Variants in HS3ST4 observed in about 807,000 individuals in gnomAD.
The protein encoded by HS3ST4 is heparan sulfate glucosamine 3-O-sulfotransferase 4.
In HS3ST4, 17 loss-of-function variants were observed where a neutral mutation model predicts 29.2. That is an observed-to-expected ratio of 0.58 (90% confidence interval 0.40 to 0.87). The LOEUF (loss-of-function observed/expected upper bound fraction) is 0.87. Among genes scored for constraint, HS3ST4 ranks in the 40% least tolerant of loss-of-function variants. The pLI is 0.00. For synonymous variants in HS3ST4, 314 were observed against 285.7 expected, an observed-to-expected ratio of 1.10 and a Z score of -1.00; for missense variants, 627 against 634.5, an observed-to-expected ratio of 0.99 and a Z score of 0.13.
At chr16:25,936,572 G>T (rs548676251) in intron 1 of HS3ST4, among the ~76,000 whole-genome samples, 1 of 152,160 alleles carries the variant, frequency 6.6e-6, no homozygotes, top group South Asian at 2.1e-4. Flanking sequence ...TGAATTTAGC[G>T]AGTAATTAAT....
At chr16:26,044,233 A>T (rs1284086845) in intron 1 of HS3ST4, among the ~76,000 whole-genome samples, 1 of 152,180 alleles carries the variant, frequency 6.6e-6, no homozygotes, top group Non-Finnish European at 1.5e-5. Flanking sequence ...CAAATCTTTC[A>T]TCAGAGCTGT....
intron 1 of HS3ST4, among the ~76,000 whole-genome samples, chr16:25,867,154 G>A (rs1230815388): frequency 1.3e-5 from 2 of 152,190 alleles, no homozygotes; most frequent in East Asian, 1.9e-4. Context: ...CGTCTATTGA[G>A]TTTAAAGACC....
chr16:26,032,133 C>A (rs1969536869), intron 1 of HS3ST4, among the ~76,000 whole-genome samples: 1 of 152,266 alleles, frequency 6.6e-6, no homozygotes, highest in Admixed American at 6.5e-5. Context: ...GGGGTCAGGT[C>A]CCAACAGATG....
At chr16:25,760,542 C>T (rs1453842509) in intron 1 of HS3ST4, among the ~76,000 whole-genome samples, 2 of 151,834 alleles carry the variant, frequency 1.3e-5, no homozygotes, top group African/African-American at 2.4e-5. Flanking sequence ...CCTCAGTCTC[C>T]CAAGTAGCTA....
chr16:26,098,397 T>C (rs1176386698), intron 1 of HS3ST4, among the ~76,000 whole-genome samples: 6 of 152,166 alleles, frequency 3.9e-5, no homozygotes, highest in Non-Finnish European at 8.8e-5. Context: ...TGGAATACTA[T>C]GCAGCCGTAA....
intron 1 of HS3ST4, among the ~76,000 whole-genome samples, chr16:26,000,541 G>A (rs370623324): frequency 1.2e-4 from 18 of 152,248 alleles, no homozygotes; most frequent in African/African-American, 3.1e-4. Context: ...AATGATATCC[G>A]TGGAACCAGA....
chr16:25,787,723 CTTGGACTCTCGATTT>C (rs1966859708), intron 1 of HS3ST4, among the ~76,000 whole-genome samples: 2 of 152,140 alleles, frequency 1.3e-5, no homozygotes, highest in African/African-American at 4.8e-5. Context: ...TCAGGGGCTC[CTTGGACTCTCGATTT>C]TATGTGACAA....
chr16:26,019,317 C>G (rs111924013), intron 1 of HS3ST4, among the ~76,000 whole-genome samples: 299 of 152,286 alleles, frequency 2.0e-3, no homozygotes, highest in African/African-American at 6.9e-3. Flanking sequence ...ATTCTGGTCT[C>G]TAAGTTCATT....
intron 1 of HS3ST4, among the ~76,000 whole-genome samples, chr16:25,917,788 G>C (rs1208979437): frequency 6.6e-6 from 1 of 152,238 alleles, no homozygotes; most frequent in Non-Finnish European, 1.5e-5. Flanking sequence ...GGAGAAGACA[G>C]ACTTTCTGTA....
intron 1 of HS3ST4, among the ~76,000 whole-genome samples, chr16:25,926,572 AT>A (rs1230379649): frequency 7.2e-5 from 11 of 152,306 alleles, no homozygotes; most frequent in Middle Eastern, 3.4e-3. Flanking sequence ...AGCATTTACT[AT>A]GTGCCAGATG....
chr16:26,053,676 C>T (rs1898373205), intron 1 of HS3ST4, among the ~76,000 whole-genome samples: 1 of 152,074 alleles, frequency 6.6e-6, no homozygotes, highest in African/African-American at 2.4e-5. Context: ...ATTAACTTGC[C>T]TGGAAACCTC....
intron 1 of HS3ST4, among the ~76,000 whole-genome samples, chr16:25,893,553 C>T (rs1968031276): frequency 6.6e-6 from 1 of 152,146 alleles, no homozygotes; most frequent in Non-Finnish European, 1.5e-5. Context: ...CATGCAAATT[C>T]ATGGACCAGG....
rs186722278 is a variant in HS3ST4, at chr16:25,906,129, C to G, written c.734+212978C>G. Among the ~76,000 whole-genome samples the G allele has an allele frequency of 3.4e-3, 511 of 152,216 alleles. 2 individuals carry two copies. Among genetic ancestry groups the G allele is most frequent in the African/African-American group, 0.012 (497 of 41,558 alleles). On this transcript the variant is annotated intron_variant, in intron 1 of 1. Transcript: ENST00000331351. ...TACGTTCATAAATAGAATCTTGAAG[C>G]CTGAGAGGCATAATTGGCAATTTGG...
intron 1 of HS3ST4, among the ~76,000 whole-genome samples, chr16:26,077,425 CCT>C (rs1338729120): frequency 3.9e-5 from 6 of 152,196 alleles, no homozygotes; most frequent in African/African-American, 1.4e-4. Context: ...GCTCTCTGCC[CCT>C]GTCTTTCAGC....
chr16:25,851,534 C>T (rs1967522056), intron 1 of HS3ST4, among the ~76,000 whole-genome samples: 1 of 152,104 alleles, frequency 6.6e-6, no homozygotes, highest in African/African-American at 2.4e-5. Context: ...TCGAGACCAC[C>T]CTTCAGCTCC....
intron 1 of HS3ST4, among the ~76,000 whole-genome samples, chr16:25,729,559 A>G (rs1339933300): frequency 1.3e-5 from 2 of 152,214 alleles, no homozygotes; most frequent in Non-Finnish European, 2.9e-5. Context: ...TGCAATCGCA[A>G]AGACAGATTT....
chr16:25,756,016 AT>A (rs1416143844), intron 1 of HS3ST4, among the ~76,000 whole-genome samples: 3 of 152,092 alleles, frequency 2.0e-5, no homozygotes, highest in African/African-American at 7.2e-5. Flanking sequence ...GAGAAACTAC[AT>A]TTTTTTGTGG....
intron 1 of HS3ST4, among the ~76,000 whole-genome samples, chr16:25,887,577 C>G (rs187360202): frequency 6.6e-6 from 1 of 152,230 alleles, no homozygotes; most frequent in East Asian, 1.9e-4. Flanking sequence ...AACTGGGAGC[C>G]GCCTTCCCAC....
chr16:25,730,518 C>A (rs1966564188), intron 1 of HS3ST4, among the ~76,000 whole-genome samples: 2 of 145,580 alleles, frequency 1.4e-5, no homozygotes, highest in Non-Finnish European at 3.0e-5. Context: ...TCCTTCCCTC[C>A]CTCTGTCCTT....
Sources: allele counts gnomAD v4.1 joint callset (sites outside exome capture counted in the v4.1 genomes callset), GRCh38; gene constraint gnomAD v4.1.1; transcripts MANE v1.5; gene names NCBI Gene and HGNC (gene_info 2026-07-23, HGNC 2026-07-21).